The following ZNF704 variants were observed in gnomAD, a reference collection of about 807,000 sequenced individuals.
ZNF704 encodes the protein glucocorticoid induced gene 1.
Under a neutral mutation model 44.7 loss-of-function variants are expected in ZNF704, and 10 were observed. The ratio of observed to expected loss-of-function variants is 0.22; its 90% confidence interval spans 0.14 to 0.38. The LOEUF is 0.38. Among genes scored for constraint, ZNF704 ranks in the 10% least tolerant of loss-of-function variants. ZNF704 has a pLI of 1.00. For missense variants in ZNF704, 390 were observed against 545.5 expected, an observed-to-expected ratio of 0.71 and a Z score of 2.84; for synonymous variants, 211 against 207.6, an observed-to-expected ratio of 1.02 and a Z score of -0.14.
chr8:80,875,671 A>C (rs998001068), upstream of ZNF704, among the ~76,000 whole-genome samples: 2 of 152,138 alleles, frequency 1.3e-5, no homozygotes, highest in African/African-American at 2.4e-5. Context: ...GCTGGGGAGG[A>C]TCTTACGCAT....
chr8:80,808,049 G>A (rs1002549012), intron 2 of ZNF704, among the ~76,000 whole-genome samples: 17 of 152,204 alleles, frequency 1.1e-4, no homozygotes, highest in African/African-American at 4.1e-4. Context: ...TACAAGGCTA[G>A]TTCCTGTGTG....
chr8:80,732,833 G>A (rs1806603850), intron 2 of ZNF704, among the ~76,000 whole-genome samples: 1 of 151,806 alleles, frequency 6.6e-6, no homozygotes, highest in South Asian at 2.1e-4. Context: ...GCATGCGCCT[G>A]TATGCCCAGC....
chr8:80,650,252 G>A lies in ZNF704; in HGVS notation c.1033-7123C>T, dbSNP rs184481660. Among the ~76,000 whole-genome samples, 446 of 152,314 alleles carry A rather than the reference G, an allele frequency of 2.9e-3. 3 individuals are homozygous for A. The highest frequency in any genetic ancestry group is 9.9e-3 in the African/African-American group (411 of 41,574). On this transcript the variant is annotated intron_variant, in intron 7 of 8. Coordinates refer to ENST00000327835, the MANE Select transcript of ZNF704 (RefSeq NM_001033723.3). ...AACTGGAAACTCTAAAAATCAGAGC[G>A]CCTCTCCTCCTCCAAAGGAACGCAG...
intron 2 of ZNF704, among the ~76,000 whole-genome samples, chr8:80,713,926 G>T (rs1819032245): frequency 6.6e-6 from 1 of 152,170 alleles, no homozygotes; most frequent in South Asian, 2.1e-4. Flanking sequence ...GGTTCTAGAA[G>T]AATACACTGC....
chr8:80,859,322 T>A (rs1217837545), intron 1 of ZNF704, among the ~76,000 whole-genome samples: 1 of 152,206 alleles, frequency 6.6e-6, no homozygotes, highest in Admixed American at 6.5e-5. Flanking sequence ...TGTGTTGAAG[T>A]TAATCTACCA....
intron 2 of ZNF704, among the ~76,000 whole-genome samples, chr8:80,706,319 A>G (rs180929481): frequency 6.6e-6 from 1 of 152,296 alleles, no homozygotes; most frequent in Admixed American, 6.5e-5. Flanking sequence ...TTATTTTACA[A>G]TGCAAGAAAA....
At chr8:80,687,932 G>A (rs11998091) in intron 3 of ZNF704, among the ~76,000 whole-genome samples, 16,543 of 152,116 alleles carry the variant, frequency 0.11, 3,038 homozygotes, top group African/African-American at 0.38. Flanking sequence ...TTAGCTGAGG[G>A]CAGTGGCTCA....
chr8:80,641,641 G>A (rs1346141183), intron 8 of ZNF704, among the ~76,000 whole-genome samples, 164 bp from the exon 9 acceptor site: 2 of 151,934 alleles, frequency 1.3e-5, no homozygotes, highest in African/African-American at 2.4e-5. Flanking sequence ...GCTGAGGTGG[G>A]CGGATCACCA....
chr8:80,857,059 C>T (rs111961892), intron 1 of ZNF704, among the ~76,000 whole-genome samples: 3,249 of 152,154 alleles, frequency 0.021, 55 homozygotes, highest in Middle Eastern at 0.078. Context: ...CTTTTTTGTA[C>T]ATTTTTCATT....
chr8:80,724,888 A>G (rs1806448689), intron 2 of ZNF704, among the ~76,000 whole-genome samples: 1 of 152,150 alleles, frequency 6.6e-6, no homozygotes, highest in South Asian at 2.1e-4. Flanking sequence ...CAGTCTCTTC[A>G]GAAGTTAAAT....
intron 2 of ZNF704, among the ~76,000 whole-genome samples, chr8:80,818,604 T>C (rs1458659757): frequency 1.3e-5 from 2 of 152,226 alleles, no homozygotes; most frequent in African/African-American, 4.8e-5. Flanking sequence ...AGAAAATGTA[T>C]CTGTACATGT....
At chr8:80,785,757 C>T (rs1368308520) in intron 2 of ZNF704, among the ~76,000 whole-genome samples, 2 of 152,112 alleles carry the variant, frequency 1.3e-5, no homozygotes, top group Non-Finnish European at 2.9e-5. Context: ...CCAGGCTCAT[C>T]CTGTATATTT....
chr8:80,634,228 A>G lies in ZNF704; in HGVS notation c.*7138T>C, dbSNP rs754528775. 2.6e-5 allele frequency: 4 copies of G among 152,284 alleles called. No individual in the cohort carries two copies. Among genetic ancestry groups the G allele is most frequent in the Non-Finnish European group, 5.9e-5 (4 of 68,068 alleles). The allele number at this position is 152,284 out of a possible 1,614,324, so 9.4% of individuals were successfully genotyped here. On this transcript the variant is annotated 3_prime_UTR_variant, in exon 9 of 9. Transcript: ENST00000327835. Reference sequence around the variant, plus strand: ...GGTAGAAAACACTAAGAAAATTAGGATAACAGTGATTCAACACTTTACGGG... The same window carrying G: ...GGTAGAAAACACTAAGAAAATTAGGGTAACAGTGATTCAACACTTTACGGG...
At position 80,709,450 on chromosome 8, in the gene ZNF704, A is replaced by T. The variant is rs1818949777; in HGVS notation, c.222-16343T>A. 4.8e-5 allele frequency among the ~76,000 whole-genome samples: 7 copies of T among 145,768 alleles called. 1 individual carries two copies. The highest frequency in any genetic ancestry group is 1.4e-4 in the Admixed American group (2 of 14,742). ...AGTGCGAGACTCCATCTCAAAAAAAAAAAAAAAAAAAAAAAAAAAAAAAGC... is the reference window on the plus strand; with the variant it reads ...AGTGCGAGACTCCATCTCAAAAAAATAAAAAAAAAAAAAAAAAAAAAAAGC... On this transcript the variant is annotated intron_variant, in intron 2 of 8. Coordinates refer to ENST00000327835, the MANE Select transcript of ZNF704 (RefSeq NM_001033723.3).
At chr8:80,728,709 A>T (rs1178441477) in intron 2 of ZNF704, among the ~76,000 whole-genome samples, 6 of 152,296 alleles carry the variant, frequency 3.9e-5, no homozygotes, top group Non-Finnish European at 2.9e-5. Flanking sequence ...TTATTTCTGA[A>T]GCAACATGCT....
intron 2 of ZNF704, among the ~76,000 whole-genome samples, chr8:80,743,744 C>T (rs938407627): frequency 1.3e-5 from 2 of 152,238 alleles, no homozygotes; most frequent in Admixed American, 6.5e-5. Flanking sequence ...TGACCTCAAA[C>T]AGTTCAATCT....
At chr8:80,704,496 G>C (rs1229810568) in intron 2 of ZNF704, among the ~76,000 whole-genome samples, 1 of 152,208 alleles carries the variant, frequency 6.6e-6, no homozygotes, top group Admixed American at 6.5e-5. Context: ...ACTGGTGGCA[G>C]GCAGCTTCTA....
At chr8:80,696,829 G>A (rs914869832) in intron 2 of ZNF704, among the ~76,000 whole-genome samples, 2 of 152,194 alleles carry the variant, frequency 1.3e-5, no homozygotes, top group African/African-American at 4.8e-5. Context: ...TACCCACGTA[G>A]CCTGAGGTAA....
At chr8:80,758,246 G>A (rs900489690) in intron 2 of ZNF704, among the ~76,000 whole-genome samples, 1 of 152,180 alleles carries the variant, frequency 6.6e-6, no homozygotes, top group African/African-American at 2.4e-5. Context: ...ACCGGCAAGC[G>A]GAGCAGAGGT....
Sources: gnomAD v4.1 joint callset for allele counts (sites outside exome capture counted in the v4.1 genomes callset) on GRCh38, gnomAD v4.1.1 for gene constraint, MANE v1.5 for transcripts, NCBI Gene and HGNC (gene_info 2026-07-23, HGNC 2026-07-21) for gene names.